The following PCMT1 variants were observed in gnomAD, a reference collection of about 807,000 sequenced individuals.
The protein encoded by PCMT1 is protein-L-isoaspartate(D-aspartate) O-methyltransferase.
A neutral mutation model predicts 29.2 loss-of-function variants in PCMT1; 9 were observed. The ratio of observed to expected loss-of-function variants is 0.31; its 90% CI spans 0.19 to 0.54. The LOEUF (loss-of-function observed/expected upper bound fraction) is 0.54. Ranked by LOEUF, PCMT1 falls within the 20% of genes least tolerant of loss-of-function variation. The pLI is 0.95. For missense variants in PCMT1, 184 were observed against 282.2 expected (o/e 0.65, Z 2.49); for synonymous variants, 98 against 97.5 (o/e 1.00, Z -0.03).
At chr6:149,791,058 T>C (rs1234079252) in intron 4 of PCMT1, among the ~76,000 whole-genome samples, 3 of 152,056 alleles carry the variant, frequency 2.0e-5, no homozygotes, top group African/African-American at 7.2e-5. Context: ...GGGTCAGGCT[T>C]AGCCCCGACA....
chr6:149,763,961 A>T (rs1189064945), intron 1 of PCMT1, among the ~76,000 whole-genome samples: 1 of 152,186 alleles, frequency 6.6e-6, no homozygotes, highest in African/African-American at 2.4e-5. Flanking sequence ...ATTGTCTAAT[A>T]ATCAGAGTGG....
At chr6:149,780,396 G>A (rs926533689) in intron 3 of PCMT1, among the ~76,000 whole-genome samples, 2 of 151,542 alleles carry the variant, frequency 1.3e-5, no homozygotes, top group Non-Finnish European at 2.9e-5. Flanking sequence ...CCTTTAAAGT[G>A]TAGAATTCTG....
At chr6:149,798,719 A>G (rs1788710435) in intron 6 of PCMT1, among the ~76,000 whole-genome samples, 1 of 152,248 alleles carries the variant, frequency 6.6e-6, no homozygotes, top group Non-Finnish European at 1.5e-5. Context: ...AGGAGGGTAG[A>G]GGAAGTAGAA....
chr6:149,786,404 C>T lies in PCMT1; in HGVS notation c.193-3550C>T, dbSNP rs1181226988. Among the ~76,000 whole-genome samples, 12 of 126,248 alleles carry T rather than the reference C, an allele frequency of 9.5e-5. 1 individual carries two copies. Among genetic ancestry groups the T allele is most frequent in the African/African-American group, 1.6e-4 (5 of 31,538 alleles). The allele number at this position is 126,248 out of a possible 152,430, so 82.8% of individuals were successfully genotyped here. Reference sequence around the variant, plus strand: ...CTCCCTCCCGGACGGGGTGGCTGGCCGGGCGGGGGCTGACCCCCCACCTCC... The same window carrying T: ...CTCCCTCCCGGACGGGGTGGCTGGCTGGGCGGGGGCTGACCCCCCACCTCC... On this transcript the variant is annotated intron_variant, in intron 3 of 7. Coordinates refer to ENST00000464889, the MANE Select transcript of PCMT1 (RefSeq NM_001360452.2).
At chr6:149,788,036 G>A (rs899003958) in intron 3 of PCMT1, among the ~76,000 whole-genome samples, 1 of 152,064 alleles carries the variant, frequency 6.6e-6, no homozygotes, top group Non-Finnish European at 1.5e-5. Flanking sequence ...TCCTGCCTCA[G>A]CCTCCCAAGT....
intron 3 of PCMT1, among the ~76,000 whole-genome samples, chr6:149,784,035 A>T (rs12111019): frequency 6.6e-6 from 1 of 152,196 alleles, no homozygotes; most frequent in Non-Finnish European, 1.5e-5. Flanking sequence ...GAACAGAGCA[A>T]AGTGGTAGGT....
intron 7 of PCMT1, 146 bp from the exon 8 acceptor site, chr6:149,810,470 G>C (rs904338725): frequency 5.3e-6 from 3 of 567,474 alleles, no homozygotes; most frequent in Non-Finnish European, 9.1e-6. Flanking sequence ...GCTTTCACTT[G>C]GGTTGTTTGC....
At chr6:149,777,281 C>T (rs543235090) in intron 3 of PCMT1, among the ~76,000 whole-genome samples, 5 of 152,262 alleles carry the variant, frequency 3.3e-5, no homozygotes, top group South Asian at 2.1e-4. Context: ...GTGAATATCA[C>T]ATGTAATTTA....
intron 1 of PCMT1, among the ~76,000 whole-genome samples, chr6:149,763,966 G>T (rs2115229994): frequency 6.6e-6 from 1 of 152,264 alleles, no homozygotes; most frequent in Non-Finnish European, 1.5e-5. Context: ...CTAATAATCA[G>T]AGTGGTCTGA....
intron 1 of PCMT1, among the ~76,000 whole-genome samples, chr6:149,769,984 A>G (rs1787246700): frequency 6.6e-6 from 1 of 151,944 alleles, no homozygotes; most frequent in African/African-American, 2.4e-5. Flanking sequence ...TGGCTCTACA[A>G]CAGTCAACAG....
intron 3 of PCMT1, among the ~76,000 whole-genome samples, chr6:149,776,116 A>C (rs1429578173): frequency 1.3e-5 from 2 of 152,010 alleles, no homozygotes; most frequent in Non-Finnish European, 2.9e-5. Context: ...CTGAAATTGC[A>C]CCATTGCCCT....
chr6:149,798,697 A>G (rs1788709684), intron 6 of PCMT1, among the ~76,000 whole-genome samples: 1 of 152,236 alleles, frequency 6.6e-6, no homozygotes, highest in African/African-American at 2.4e-5. Context: ...CAGATGGAAT[A>G]ATAGCTGACC....
At chr6:149,783,948 G>A (rs1360825043) in intron 3 of PCMT1, among the ~76,000 whole-genome samples, 1 of 152,144 alleles carries the variant, frequency 6.6e-6, no homozygotes, top group Non-Finnish European at 1.5e-5. Flanking sequence ...TTCCACTTTG[G>A]CCTTTCAGAG....
chr6:149,789,311 C>T (rs989968256), intron 3 of PCMT1, among the ~76,000 whole-genome samples: 4 of 151,902 alleles, frequency 2.6e-5, no homozygotes, highest in East Asian at 2.0e-4. Flanking sequence ...CTCCTGACCT[C>T]GTGATCTACC....
intron 1 of PCMT1, among the ~76,000 whole-genome samples, chr6:149,770,689 C>T (rs1179322199): frequency 9.5e-6 from 1 of 104,838 alleles, no homozygotes; most frequent in African/African-American, 3.7e-5. Flanking sequence ...CTGGGCAACA[C>T]AGCAAGACTC....
Position 149,773,121 on chromosome 6 carries a change from C to T in PCMT1, c.161-17C>T. ...TTTACAGCTGACTGTATCAGTAGTT[C>T]TCTTCTTCTTTTGCAGGTTTCCAAG... On this transcript the variant is annotated splice_polypyrimidine_tract_variant and intron_variant, in intron 2 of 7. Coordinates refer to ENST00000464889, the MANE Select transcript of PCMT1 (RefSeq NM_001360452.2). 1 of 1,598,984 alleles carries T rather than the reference C, an allele frequency of 6.3e-7. No individual in the cohort carries two copies. Among genetic ancestry groups the T allele is most frequent in the Non-Finnish European group, 8.6e-7 (1 of 1,168,420 alleles).
chr6:149,762,554 TATATATCTATG>T (rs1184241234), intron 1 of PCMT1, among the ~76,000 whole-genome samples: 1 of 87,184 alleles, frequency 1.1e-5, no homozygotes, highest in Non-Finnish European at 2.0e-5. Flanking sequence ...CTATGATATA[TATATATCTATG>T]ATATATATAT....
chr6:149,779,403 A>G (rs1360810474), intron 3 of PCMT1, among the ~76,000 whole-genome samples: 3 of 152,198 alleles, frequency 2.0e-5, no homozygotes, highest in Non-Finnish European at 4.4e-5. Flanking sequence ...TCTGGACCCT[A>G]GTCCGACTGC....
At chr6:149,794,663 C>A in intron 5 of PCMT1, 1 of 245,706 alleles carries the variant, frequency 4.1e-6, no homozygotes, top group Non-Finnish European at 7.0e-6. Flanking sequence ...CTCTAGTAGC[C>A]ACAGCCATCC....
Sources: allele counts gnomAD v4.1 joint callset (sites outside exome capture counted in the v4.1 genomes callset), GRCh38; gene constraint gnomAD v4.1.1; transcripts MANE v1.5; gene names NCBI Gene and HGNC (gene_info 2026-07-23, HGNC 2026-07-21).